The following CDH18 variants were observed in gnomAD, a reference collection of about 807,000 sequenced individuals.
CDH18 encodes the protein cadherin 18.
Under a neutral mutation model 67.9 loss-of-function variants are expected in CDH18, and 31 were observed. The ratio of observed to expected loss-of-function variants is 0.46; its 90% CI spans 0.34 to 0.62. The LOEUF (loss-of-function observed/expected upper bound fraction) is 0.62, where lower values mean the gene tolerates loss of function less well. CDH18 is among the 20% of genes least tolerant of loss of function. The probability of loss-of-function intolerance (pLI) is 0.01; values close to 1 mark genes in which losing one functional copy is unlikely to be tolerated. For synonymous variants in CDH18, 362 were observed against 347.2 expected, an observed-to-expected ratio of 1.04 and a Z score of -0.48; for missense variants, 890 against 975.5, an observed-to-expected ratio of 0.91 and a Z score of 1.17.
chr5:20,551,083 C>T (rs537355977), intron 1 of CDH18, among the ~76,000 whole-genome samples: 5 of 152,078 alleles, frequency 3.3e-5, no homozygotes, highest in Non-Finnish European at 7.4e-5. Context: ...ATAGATGTCT[C>T]AATAAAAACG....
chr5:19,860,419 C>A (rs967939474), intron 2 of CDH18, among the ~76,000 whole-genome samples: 5 of 149,706 alleles, frequency 3.3e-5, no homozygotes, highest in Non-Finnish European at 7.4e-5. Flanking sequence ...TCATTGCCTT[C>A]TTTTCTTCTT....
intron 10 of CDH18, among the ~76,000 whole-genome samples, chr5:19,514,585 T>A (rs1745651366): frequency 6.6e-6 from 1 of 152,230 alleles, no homozygotes; most frequent in African/African-American, 2.4e-5. Context: ...TTTGCATTTC[T>A]CTGATGACCA....
intron 2 of CDH18, among the ~76,000 whole-genome samples, chr5:19,868,667 G>A (rs907544991): frequency 6.6e-6 from 1 of 152,116 alleles, no homozygotes; most frequent in African/African-American, 2.4e-5. Context: ...AAACCTTAGG[G>A]ACATCCCTCA....
intron 2 of CDH18, among the ~76,000 whole-genome samples, chr5:20,003,307 G>A (rs1294341901): frequency 6.6e-6 from 1 of 152,138 alleles, no homozygotes; most frequent in African/African-American, 2.4e-5. Context: ...TTGTGTGTGT[G>A]TGTGTGTGTA....
At chr5:19,555,312 T>A (rs1409459972) in intron 8 of CDH18, among the ~76,000 whole-genome samples, 1 of 152,164 alleles carries the variant, frequency 6.6e-6, no homozygotes, top group Non-Finnish European at 1.5e-5. Context: ...GCAGGCTCCA[T>A]GGGATAGCTG....
chr5:20,057,344 T>A (rs1400889252), intron 2 of CDH18, among the ~76,000 whole-genome samples: 1 of 152,206 alleles, frequency 6.6e-6, no homozygotes, highest in Non-Finnish European at 1.5e-5. Flanking sequence ...TCTGTATGAA[T>A]TTTGAATTTT....
At chr5:19,504,392 A>G (rs576365602) in intron 10 of CDH18, among the ~76,000 whole-genome samples, 2 of 152,004 alleles carry the variant, frequency 1.3e-5, no homozygotes, top group South Asian at 2.1e-4. Context: ...ATTTCCCTCC[A>G]TATTTATTTA....
intron 2 of CDH18, among the ~76,000 whole-genome samples, chr5:20,051,218 T>C (rs1741390324): frequency 6.6e-6 from 1 of 151,966 alleles, no homozygotes; most frequent in African/African-American, 2.4e-5. Context: ...AGGAAAGTTG[T>C]GTGATACATT....
intron 3 of CDH18, among the ~76,000 whole-genome samples, chr5:19,829,497 C>T (rs1780789960): frequency 6.6e-6 from 1 of 151,906 alleles, no homozygotes; most frequent in Non-Finnish European, 1.5e-5. Context: ...TAGGAATATA[C>T]CTAATCAGGG....
At chr5:19,565,492 T>C (rs944840657) in intron 8 of CDH18, among the ~76,000 whole-genome samples, 6 of 152,224 alleles carry the variant, frequency 3.9e-5, no homozygotes, top group Admixed American at 3.3e-4. Context: ...TTACTGGGCT[T>C]GGGGTACCCC....
chr5:20,427,900 A>G (rs767718169), intron 1 of CDH18, among the ~76,000 whole-genome samples: 3 of 151,264 alleles, frequency 2.0e-5, no homozygotes, highest in Non-Finnish European at 4.4e-5. Flanking sequence ...TCAGAACATT[A>G]TCAAACTCTT....
intron 3 of CDH18, among the ~76,000 whole-genome samples, chr5:19,763,975 C>T (rs1028230983): frequency 7.8e-6 from 1 of 128,136 alleles, no homozygotes; most frequent in East Asian, 2.3e-4. Flanking sequence ...ATGATGAAAC[C>T]TCGTCTCTAC....
chr5:19,627,860 A>T (rs1035076795), intron 5 of CDH18, among the ~76,000 whole-genome samples: 1 of 152,178 alleles, frequency 6.6e-6, no homozygotes, highest in African/African-American at 2.4e-5. Context: ...CTAAGGTAAA[A>T]GTAACAGAAA....
intron 6 of CDH18, among the ~76,000 whole-genome samples, chr5:19,595,437 A>G (rs1403785640): frequency 1.3e-5 from 2 of 152,218 alleles, no homozygotes; most frequent in African/African-American, 4.8e-5. Flanking sequence ...TAGCCTGACC[A>G]ACATGGTGAA....
intron 10 of CDH18, among the ~76,000 whole-genome samples, chr5:19,519,257 G>C (rs1056129181): frequency 1.3e-5 from 2 of 152,176 alleles, no homozygotes; most frequent in Non-Finnish European, 2.9e-5. Flanking sequence ...CAGACATTGA[G>C]ATAGACATAT....
chr5:19,531,853 G>T (rs1022642080), intron 9 of CDH18, among the ~76,000 whole-genome samples: 1 of 152,016 alleles, frequency 6.6e-6, no homozygotes, highest in Non-Finnish European at 1.5e-5. Context: ...ACTCATTAAC[G>T]CAAAAGCTTC....
intron 3 of CDH18, among the ~76,000 whole-genome samples, chr5:19,784,512 C>T (rs913854938): frequency 2.0e-4 from 31 of 152,070 alleles, no homozygotes; most frequent in African/African-American, 7.0e-4. Flanking sequence ...ATCTCCTTTT[C>T]TTTGTTTCAA....
chr5:20,317,857 C>T (rs1412183413), intron 1 of CDH18, among the ~76,000 whole-genome samples: 1 of 152,136 alleles, frequency 6.6e-6, no homozygotes, highest in East Asian at 1.9e-4. Context: ...CCTAGTGTTT[C>T]AGGAAATGTT....
chr5:20,212,461 C>T (rs1740429198), intron 2 of CDH18, among the ~76,000 whole-genome samples: 1 of 151,888 alleles, frequency 6.6e-6, no homozygotes, highest in Admixed American at 6.6e-5. Flanking sequence ...AAGAGCAACC[C>T]CAAGACACAT....
Sources: allele counts gnomAD v4.1 joint callset (sites outside exome capture counted in the v4.1 genomes callset), GRCh38; gene constraint gnomAD v4.1.1; transcripts MANE v1.5; gene names NCBI Gene and HGNC (gene_info 2026-07-23, HGNC 2026-07-21).